The following RANBP10 variants were observed in gnomAD, a reference collection of about 807,000 sequenced individuals.
RANBP10 encodes the protein ran-binding protein 10.
RANBP10 carries 24 observed loss-of-function variants against 72.8 expected under a neutral mutation model. That is an observed-to-expected ratio of 0.33 (90% CI 0.24 to 0.46). The LOEUF is 0.46. Ranked by LOEUF, RANBP10 falls within the 20% of genes least tolerant of loss-of-function variation. RANBP10 has a pLI of 1.00. For missense variants in RANBP10, 679 were observed against 817.5 expected, an observed-to-expected ratio of 0.83 and a Z score of 2.07; for synonymous variants, 310 against 322.3, an observed-to-expected ratio of 0.96 and a Z score of 0.41.
At chr16:67,805,844 G>A (rs578198634) in intron 1 of RANBP10, among the ~76,000 whole-genome samples, 1 of 152,342 alleles carries the variant, frequency 6.6e-6, no homozygotes, top group East Asian at 1.9e-4. Context: ...CCACCTGGGA[G>A]GCCAGGGGAA....
intron 3 of RANBP10, among the ~76,000 whole-genome samples, chr16:67,760,337 G>C (rs1252664350): frequency 2.6e-5 from 4 of 152,192 alleles, no homozygotes; most frequent in South Asian, 2.1e-4. Context: ...CAGACCCCTG[G>C]TGTTCTGCCC....
chr16:67,746,837 C>T (rs149861333), intron 3 of RANBP10, among the ~76,000 whole-genome samples: 29 of 152,284 alleles, frequency 1.9e-4, no homozygotes, highest in Non-Finnish European at 3.7e-4. Context: ...TGCGATCCAT[C>T]CATGTTGTTA....
intron 2 of RANBP10, among the ~76,000 whole-genome samples, chr16:67,773,521 C>T (rs1247537131): frequency 1.3e-5 from 2 of 152,152 alleles, no homozygotes; most frequent in African/African-American, 4.8e-5. Flanking sequence ...TGGGTTGCTG[C>T]ACCACTATAT....
intron 3 of RANBP10, among the ~76,000 whole-genome samples, chr16:67,759,061 G>T (rs544004921): frequency 6.6e-6 from 1 of 152,352 alleles, no homozygotes; most frequent in African/African-American, 2.4e-5. Flanking sequence ...ATGGACCACA[G>T]CGTCCTGCAG....
chr16:67,738,092 C>A, intron 4 of RANBP10, 57 bp from the exon 5 acceptor site: 1 of 1,522,114 alleles, frequency 6.6e-7, no homozygotes, highest in South Asian at 1.2e-5. Context: ...TCTGCCTCTG[C>A]ACCCCATGGT....
chr16:67,768,781 C>T (rs1482066410), intron 3 of RANBP10, among the ~76,000 whole-genome samples: 1 of 152,156 alleles, frequency 6.6e-6, no homozygotes, highest in Non-Finnish European at 1.5e-5. Flanking sequence ...CAGACCACAT[C>T]CTAAGACTAC....
intron 2 of RANBP10, among the ~76,000 whole-genome samples, chr16:67,773,063 G>A (rs979148561): frequency 1.3e-5 from 2 of 152,186 alleles, no homozygotes; most frequent in African/African-American, 2.4e-5. Flanking sequence ...ATATGGTTTC[G>A]ATGTTTGTCC....
chr16:67,790,660 G>A (rs1275230589), intron 2 of RANBP10, among the ~76,000 whole-genome samples: 1 of 151,680 alleles, frequency 6.6e-6, no homozygotes, highest in African/African-American at 2.4e-5. Context: ...CAAATGACAA[G>A]AGTGAAGAAG....
chr16:67,748,512 G>A (rs542782076), intron 3 of RANBP10, among the ~76,000 whole-genome samples: 10 of 151,290 alleles, frequency 6.6e-5, no homozygotes, highest in Admixed American at 1.3e-4. Context: ...CAACAAGAGC[G>A]AAACTCCGTC....
intron 2 of RANBP10, among the ~76,000 whole-genome samples, chr16:67,782,814 A>G (rs576288548): frequency 7.4e-4 from 112 of 151,660 alleles, no homozygotes; most frequent in South Asian, 3.4e-3. Flanking sequence ...CTTAAAAGCC[A>G]CTTTTAAGAG....
At chr16:67,800,316 C>A (rs936448665) in intron 2 of RANBP10, among the ~76,000 whole-genome samples, 16 of 152,156 alleles carry the variant, frequency 1.1e-4, no homozygotes, top group African/African-American at 3.6e-4. Context: ...AATGCCCCCA[C>A]CCCTCTCCAT....
chr16:67,806,240 G>A, intron 1 of RANBP10, 62 bp downstream of exon 1: 2 of 1,459,100 alleles, frequency 1.4e-6, no homozygotes, highest in Non-Finnish European at 1.9e-6. Flanking sequence ...GCGGGGGCCT[G>A]GCAGCAGAGC....
At chr16:67,777,127 A>T (rs113833495) in intron 2 of RANBP10, among the ~76,000 whole-genome samples, 21,788 of 151,492 alleles carry the variant, frequency 0.14, 3,160 homozygotes, top group African/African-American at 0.38. Flanking sequence ...GGAGAATTGC[A>T]GGAACCCGGG....
At chr16:67,768,951 C>T (rs1357716889) in intron 3 of RANBP10, among the ~76,000 whole-genome samples, 3 of 152,230 alleles carry the variant, frequency 2.0e-5, no homozygotes, top group African/African-American at 7.2e-5. Context: ...CTGGCTCCCG[C>T]CACCCATCCC....
intron 2 of RANBP10, among the ~76,000 whole-genome samples, chr16:67,772,829 T>A (rs534124973): frequency 1.5e-4 from 23 of 152,264 alleles, no homozygotes; most frequent in African/African-American, 4.8e-4. Flanking sequence ...CAAATGTGGG[T>A]GTCAGCTTCC....
chr16:67,731,761 C>T (rs1320446983), intron 6 of RANBP10, among the ~76,000 whole-genome samples, 177 bp from the exon 7 acceptor site: 1 of 152,224 alleles, frequency 6.6e-6, no homozygotes, highest in Non-Finnish European at 1.5e-5. Context: ...CCCCATGGTG[C>T]CCCACGGTCA....
chr16:67,744,296 T>C lies in RANBP10; in HGVS notation c.560A>G (p.His187Arg), dbSNP rs767244158. Reference sequence around the variant, plus strand: ...GTCCCTTATGCACACACCAAGGCTGTGGCCATTCTTGGTGTAGAAGCAGGT... The same window carrying C: ...GTCCCTTATGCACACACCAAGGCTGCGGCCATTCTTGGTGTAGAAGCAGGT... The part of the protein sequence containing the change: ...NGTCFYTKNG[H>R]SLGIAFTDLP... The change falls in exon 4 of 14, where the codon CAC becomes CGC. Residue 187 changes from histidine (H) to arginine (R), a missense_variant. Physicochemically the swap from His to Arg is conservative, Grantham distance 29. Transcript: ENST00000317506. The C allele has an allele frequency of 1.2e-6, 2 of 1,614,106 alleles. No homozygotes were observed. The highest frequency in any genetic ancestry group is 1.7e-6 in the Non-Finnish European group (2 of 1,179,968).
At chr16:67,805,390 C>A in intron 2 of RANBP10, 38 bp downstream of exon 2, 2 of 1,567,708 alleles carry the variant, frequency 1.3e-6, no homozygotes, top group Non-Finnish European at 1.8e-6. Context: ...GGGATCAGCT[C>A]CATGATCAGG....
chr16:67,769,714 C>T (rs1327702570), intron 3 of RANBP10, among the ~76,000 whole-genome samples: 1 of 137,126 alleles, frequency 7.3e-6, no homozygotes, highest in Non-Finnish European at 1.5e-5. Flanking sequence ...CCACTGCACT[C>T]CAGCCTGGGC....
Sources: gnomAD v4.1 joint callset for allele counts (sites outside exome capture counted in the v4.1 genomes callset) on GRCh38, gnomAD v4.1.1 for gene constraint, MANE v1.5 for transcripts, NCBI Gene and HGNC (gene_info 2026-07-23, HGNC 2026-07-21) for gene names.